The following ZC3H4 variants were observed in gnomAD, a reference collection of about 807,000 sequenced individuals.
ZC3H4 encodes zinc finger CCCH domain-containing protein 4.
A neutral mutation model predicts 108.3 loss-of-function variants in ZC3H4; 13 were observed. That is an observed-to-expected ratio of 0.12 (90% CI 0.08 to 0.19). The LOEUF (loss-of-function observed/expected upper bound fraction) is 0.19, where lower values mean the gene tolerates loss of function less well. ZC3H4 is among the 10% of genes least tolerant of loss of function. ZC3H4 has a pLI of 1.00. For synonymous variants in ZC3H4, 917 were observed against 749.6 expected, an observed-to-expected ratio of 1.22 and a Z score of -3.65; for missense variants, 1,734 against 1,838.8, an observed-to-expected ratio of 0.94 and a Z score of 1.04.
In ZC3H4 at chr19:47,111,307, C is replaced by G. The variant is rs1600122713; in HGVS notation, c.161+1117G>C. On this transcript the variant is annotated intron_variant, in intron 2 of 14. Coordinates refer to ENST00000253048, the MANE Select transcript of ZC3H4 (RefSeq NM_015168.2). ...ACGGGGCCCCAACCTCGCCCTGAAA[C>G]GCGCCGGGCTGACCCCATTATCACC... Among the ~76,000 whole-genome samples, 3 of 152,344 alleles carry G rather than the reference C, an allele frequency of 2.0e-5. No individual in the cohort carries two copies. In the South Asian group the frequency reaches 6.2e-4, roughly 32 times the overall value.
At chr19:47,080,776 G>T (rs554528800) in intron 11 of ZC3H4, among the ~76,000 whole-genome samples, 2 of 151,720 alleles carry the variant, frequency 1.3e-5, no homozygotes, top group Non-Finnish European at 2.9e-5. Context: ...GGGACTACAC[G>T]CATGTGCCAC....
At chr19:47,088,766 T>C (rs1181783787) in intron 5 of ZC3H4, among the ~76,000 whole-genome samples, 1 of 152,046 alleles carries the variant, frequency 6.6e-6, no homozygotes, top group Non-Finnish European at 1.5e-5. Flanking sequence ...GCTGGGACTA[T>C]CCAGTGTCCT....
Position 47,066,220 on chromosome 19 carries a change from G to T in ZC3H4, c.*136C>A. 1.6e-6 allele frequency: 1 copy of T among 642,642 alleles called. No homozygotes were observed. Among genetic ancestry groups the T allele is most frequent in the Non-Finnish European group, 2.4e-6 (1 of 408,526 alleles). The allele number at this position is 642,642 out of a possible 1,614,324, so 39.8% of individuals were successfully genotyped here. A position where few individuals can be genotyped will look rare whatever the true frequency, so the allele number is the denominator to read the frequency against. ...TACTACTTTAAAAAAAAATAAAAGA[G>T]ACGGAAAGCAAAAGAAAAAGAAAAG... On this transcript the variant is annotated 3_prime_UTR_variant, in exon 15 of 15. Coordinates refer to ENST00000253048, the MANE Select transcript of ZC3H4 (RefSeq NM_015168.2).
chr19:47,090,139 T>G lies in ZC3H4; in HGVS notation c.543A>C (p.Ala181=). The change falls in exon 5 of 15, where the codon GCA becomes GCC. Residue 181 remains alanine (A), a synonymous_variant. Coordinates refer to ENST00000253048, the MANE Select transcript of ZC3H4 (RefSeq NM_015168.2). ...PSHATPLPKK[A]YSKMDSKSYG... The stretch of plus-strand genomic sequence containing the variant: ...AACTCTTGCTGTCCATCTTGGAGTA[T>G]GCCTTCTTGGGCAGGGGCGTGGCAT... The G allele has an allele frequency of 6.2e-7, 1 of 1,614,220 alleles. No homozygotes were observed. Among genetic ancestry groups the G allele is most frequent in the African/African-American group, 1.3e-5 (1 of 75,062 alleles).
chr19:47,091,650 G>C (rs2057732788), intron 4 of ZC3H4, among the ~76,000 whole-genome samples: 1 of 151,336 alleles, frequency 6.6e-6, no homozygotes, highest in Non-Finnish European at 1.5e-5. Flanking sequence ...CACTTTCGGA[G>C]GCAAAGGCAG....
chr19:47,090,246 A>G (rs1458399885), intron 4 of ZC3H4, 57 bp from the exon 5 acceptor site: 1 of 1,590,868 alleles, frequency 6.3e-7, no homozygotes, highest in Non-Finnish European at 8.6e-7. Flanking sequence ...GTGGGTGCAG[A>G]CTACCAAGAT....
rs1291075069 is a variant in ZC3H4 at position 47,085,370 on chromosome 19, C to T, written c.915G>A (p.Glu305=). Residue 305 remains glutamate, a synonymous_variant, in exon 7 of 15, where the codon GAG becomes GAA. Coordinates refer to ENST00000253048, the MANE Select transcript of ZC3H4 (RefSeq NM_015168.2). ...EEPMGDDDYD[E]YSKELNQYRR... ...GGTACTGGTTCAGCTCCTTGGAGTACTCGTCATAGTCGTCGTCTCCCATTG... is the reference window on the plus strand; with the variant it reads ...GGTACTGGTTCAGCTCCTTGGAGTATTCGTCATAGTCGTCGTCTCCCATTG... 1 of 1,603,358 alleles carries T rather than the reference C, an allele frequency of 6.2e-7. No individual in the cohort carries two copies. Among genetic ancestry groups the T allele is most frequent in the Non-Finnish European group, 8.5e-7 (1 of 1,174,652 alleles).
chr19:47,071,770 C>T lies in ZC3H4; in HGVS notation c.2146+8G>A, dbSNP rs956730188. On this transcript the variant is annotated splice_region_variant and intron_variant, in intron 13 of 14. Transcript: ENST00000253048. Reference sequence around the variant, plus strand: ...GCCCCAGGCAGCCACACCTGGAGTCCCGCATACCTGCATCCCCCAGGAGTC... The same window carrying T: ...GCCCCAGGCAGCCACACCTGGAGTCTCGCATACCTGCATCCCCCAGGAGTC... 1.9e-5 allele frequency: 31 copies of T among 1,596,878 alleles called. No homozygotes were observed. The highest frequency in any genetic ancestry group is 2.5e-5 in the Non-Finnish European group (29 of 1,172,886).
At chr19:47,092,717 T>C (rs1170520779) in intron 4 of ZC3H4, among the ~76,000 whole-genome samples, 1 of 151,714 alleles carries the variant, frequency 6.6e-6, no homozygotes, top group Non-Finnish European at 1.5e-5. Context: ...CTCGGGAGGC[T>C]GAGACAGGAG....
chr19:47,071,797 G>A lies in ZC3H4; in HGVS notation c.2127C>T (p.Pro709=), dbSNP rs368151137. ...GCATACCTGCATCCCCCAGGAGTCC[G>A]GGCTCCATCTCCATGCCCTCCTGCT... The part of the protein sequence containing the change: ...YQQQEGMEME[P]GLLGDAEDYG... The change falls in exon 13 of 15, where the codon CCC becomes CCT. Residue 709 remains proline (P), a synonymous_variant. Transcript: ENST00000253048. 4.1e-5 allele frequency: 66 copies of A among 1,612,016 alleles called. 1 individual carries two copies. Among genetic ancestry groups the A allele is most frequent in the South Asian group, 9.9e-5 (9 of 90,850 alleles).
rs755726337 is a variant in ZC3H4, at chr19:47,072,454, G to A, written c.1700C>T (p.Pro567Leu). The change falls in exon 12 of 15, where the codon CCG becomes CTG. Residue 567 changes from proline (P) to leucine (L), a missense_variant. Coordinates refer to ENST00000253048, the MANE Select transcript of ZC3H4 (RefSeq NM_015168.2). This position sits in a 1 kb window ranked among gnomAD's most constrained non-coding sequence, Gnocchi z 5.6. ...MPMPVHEPLS[P>L]QQLQQQDMYN... ...CATGTCCTGCTGCTGCAGCTGCTGC[G>A]GGGACAGTGGCTCATGCACCGGCAT... 2.9e-5 allele frequency: 47 copies of A among 1,606,998 alleles called. No homozygotes were observed. The highest frequency in any genetic ancestry group is 1.1e-4 in the South Asian group (10 of 90,116).
chr19:47,099,211 G>A (rs2057868640), intron 2 of ZC3H4, among the ~76,000 whole-genome samples: 1 of 152,146 alleles, frequency 6.6e-6, no homozygotes. Context: ...TGTAATCCCA[G>A]CACTTTGGGA....
chr19:47,078,578 T>C (rs1025041894), intron 11 of ZC3H4, among the ~76,000 whole-genome samples: 1 of 150,882 alleles, frequency 6.6e-6, no homozygotes, highest in Non-Finnish European at 1.5e-5. Flanking sequence ...TCGAGGTGGG[T>C]GGATCAGGAA....
chr19:47,070,168 G>C (rs2057301077), intron 13 of ZC3H4, among the ~76,000 whole-genome samples: 1 of 152,024 alleles, frequency 6.6e-6, no homozygotes, highest in South Asian at 2.1e-4. Flanking sequence ...CTGCCCCACA[G>C]AACGCTCTGC....
chr19:47,067,034 G>A lies in ZC3H4; in HGVS notation c.3234C>T (p.Thr1078=), dbSNP rs547172690. 3.5e-4 allele frequency: 560 copies of A among 1,603,300 alleles called. 6 individuals carry two copies. The South Asian group carries it at 5.6e-3, about 16-fold the overall frequency. Residue 1078 remains threonine, a synonymous_variant, in exon 15 of 15, where the codon ACC becomes ACT. Transcript: ENST00000253048. This position sits in a 1 kb window ranked among gnomAD's most constrained non-coding sequence, Gnocchi z 6.4. ...PSDPRVRKAP[T]DPRLQKPTDS... is the part of the protein sequence containing the mutation. ...CTGTGGGTTTCTGCAGCCGAGGGTC[G>A]GTGGGGGCCTTCCGCACCCGGGGGT...
At chr19:47,099,821 TAAAAAAAAAAAAA>T (rs34876026) in intron 2 of ZC3H4, among the ~76,000 whole-genome samples, 1 of 103,154 alleles carries the variant, frequency 9.7e-6, no homozygotes, top group East Asian at 2.6e-4. Flanking sequence ...TACAAGAGTT[TAAAAAAAAAAAAA>T]AAAAAAAAAA....
At chr19:47,070,119 G>A (rs1357709082) in intron 13 of ZC3H4, among the ~76,000 whole-genome samples, 4 of 150,404 alleles carry the variant, frequency 2.7e-5, no homozygotes, top group South Asian at 4.2e-4. Context: ...GGGAGACATC[G>A]AATCACCGAA....
At chr19:47,098,504 A>C (rs901992254) in intron 2 of ZC3H4, among the ~76,000 whole-genome samples, 3 of 149,158 alleles carry the variant, frequency 2.0e-5, no homozygotes, top group Non-Finnish European at 3.0e-5. Context: ...AAAAAAAAAA[A>C]ACTAATCCCA....
intron 2 of ZC3H4, among the ~76,000 whole-genome samples, chr19:47,102,410 C>A (rs1324951720): frequency 6.6e-6 from 1 of 152,162 alleles, no homozygotes; most frequent in Non-Finnish European, 1.5e-5. Context: ...ATAAGATATA[C>A]ATACATAAAA....
Sources: gnomAD v4.1 joint callset for allele counts (sites outside exome capture counted in the v4.1 genomes callset) on GRCh38, gnomAD v4.1.1 for gene constraint, Gnocchi (gnomAD v3.1) non-coding constraint, MANE v1.5 for transcripts, NCBI Gene and HGNC (gene_info 2026-07-23, HGNC 2026-07-21) for gene names.